The following KHDRBS2 variants were observed in gnomAD, a reference collection of about 807,000 sequenced individuals.
KHDRBS2 encodes the protein KH RNA binding domain containing, signal transduction associated 2.
A neutral mutation model predicts 44.3 loss-of-function variants in KHDRBS2; 26 were observed. The ratio of observed to expected loss-of-function variants is 0.59; its 90% confidence interval spans 0.43 to 0.81. The LOEUF (loss-of-function observed/expected upper bound fraction) is 0.81. Among genes scored for constraint, KHDRBS2 ranks in the 40% least tolerant of loss-of-function variants. The probability of loss-of-function intolerance (pLI) is 0.00; values close to 1 mark genes in which losing one functional copy is unlikely to be tolerated. For synonymous variants in KHDRBS2, 194 were observed against 151.1 expected, an observed-to-expected ratio of 1.28 and a Z score of -2.08; for missense variants, 476 against 433.1, an observed-to-expected ratio of 1.10 and a Z score of -0.88.
At chr6:62,161,349 A>T (rs1304782122) in intron 2 of KHDRBS2, among the ~76,000 whole-genome samples, 3 of 151,626 alleles carry the variant, frequency 2.0e-5, no homozygotes, top group Admixed American at 1.3e-4. Context: ...AATTTAAAAA[A>T]ATTGAAAAAA....
chr6:61,677,000 GA>G (rs762456521), downstream of KHDRBS2, among the ~76,000 whole-genome samples: 33 of 151,828 alleles, frequency 2.2e-4, no homozygotes, highest in Non-Finnish European at 4.3e-4. Context: ...GAAGTTATCT[GA>G]AAATCAAAAT....
chr6:62,213,109 T>C (rs1188469658), intron 1 of KHDRBS2, among the ~76,000 whole-genome samples: 1 of 152,152 alleles, frequency 6.6e-6, no homozygotes, highest in Non-Finnish European at 1.5e-5. Flanking sequence ...AAGTGTAGGA[T>C]TCCAGAAATA....
intron 6 of KHDRBS2, among the ~76,000 whole-genome samples, chr6:61,867,029 T>C (rs958572138): frequency 6.6e-6 from 1 of 152,202 alleles, no homozygotes; most frequent in Non-Finnish European, 1.5e-5. Flanking sequence ...AACCACTGCC[T>C]GTTACCCAGT....
intron 1 of KHDRBS2, among the ~76,000 whole-genome samples, chr6:62,284,976 G>A (rs1357330659): frequency 6.6e-6 from 1 of 151,996 alleles, no homozygotes; most frequent in Non-Finnish European, 1.5e-5. Context: ...CATTATTAAT[G>A]AAGCATTCAT....
At chr6:61,831,176 G>A (rs1003083608) in intron 6 of KHDRBS2, among the ~76,000 whole-genome samples, 1 of 152,002 alleles carries the variant, frequency 6.6e-6, no homozygotes, top group African/African-American at 2.4e-5. Context: ...TTTAAGACAT[G>A]TTCAGTAATT....
chr6:62,275,345 C>T (rs1416340456), intron 1 of KHDRBS2, among the ~76,000 whole-genome samples: 1 of 152,080 alleles, frequency 6.6e-6, no homozygotes, highest in Non-Finnish European at 1.5e-5. Flanking sequence ...CCCTTTTCCA[C>T]AAGGTCTTGG....
At chr6:61,595,344 G>T in the KHDRBS2 span, among the ~76,000 whole-genome samples, 1 of 151,958 alleles carries the variant, frequency 6.6e-6, no homozygotes, top group African/African-American at 2.4e-5. Flanking sequence ...GATGAACGAA[G>T]ATTTAATGTT....
chr6:61,693,217 C>A (rs1767557456), intron 8 of KHDRBS2, among the ~76,000 whole-genome samples: 1 of 152,048 alleles, frequency 6.6e-6, no homozygotes, highest in Non-Finnish European at 1.5e-5. Flanking sequence ...CACTGCTCAT[C>A]ATCTGTATTT....
At chr6:62,018,297 ATATGTGTGTGTGTGTGTG>A (rs768316828) in intron 3 of KHDRBS2, among the ~76,000 whole-genome samples, 163 of 138,498 alleles carry the variant, frequency 1.2e-3, no homozygotes, top group East Asian at 5.8e-3. Flanking sequence ...CTATATATAT[ATATGTGTGTGTGTGTGTG>A]TGTGTGTGTG....
At chr6:61,874,030 C>G (rs116397454) in intron 6 of KHDRBS2, among the ~76,000 whole-genome samples, 1 of 151,708 alleles carries the variant, frequency 6.6e-6, no homozygotes, top group Non-Finnish European at 1.5e-5. Context: ...TATGAACTCT[C>G]TCTATATATA....
chr6:62,104,293 CT>C (rs147588804), intron 2 of KHDRBS2, among the ~76,000 whole-genome samples: 11,736 of 149,266 alleles, frequency 0.079, 475 homozygotes, highest in African/African-American at 0.088. Context: ...TTAAATAAGT[CT>C]TTTTTTTTTA....
At chr6:62,236,546 T>G (rs1390930611) in intron 1 of KHDRBS2, among the ~76,000 whole-genome samples, 2 of 152,050 alleles carry the variant, frequency 1.3e-5, no homozygotes, top group Non-Finnish European at 2.9e-5. Context: ...CAACAAGTAT[T>G]TAAAAGGATA....
chr6:61,894,656 G>C lies in KHDRBS2; in HGVS notation c.789C>G (p.Ala263=). 6.2e-7 allele frequency: 1 copy of C among 1,611,766 alleles called. No individual in the cohort carries two copies. The highest frequency in any genetic ancestry group is 2.2e-5 in the East Asian group (1 of 44,828). ...TTACATATTCTTCATAAGCTTCATG[G>C]GCTGGAGGAGGAGGTGCCCTGTATC... ...VPGYRAPPPP[A]HEAYEEYGYD... is the part of the protein sequence containing the mutation. Residue 263 remains alanine (A), a synonymous_variant, in exon 6 of 9, where the codon GCC becomes GCG. Coordinates refer to ENST00000281156, the MANE Select transcript of KHDRBS2 (RefSeq NM_152688.4).
chr6:62,072,294 C>T (rs1344964982), intron 2 of KHDRBS2, among the ~76,000 whole-genome samples: 1 of 152,124 alleles, frequency 6.6e-6, no homozygotes, highest in Non-Finnish European at 1.5e-5. Flanking sequence ...CAAACAGGGA[C>T]AATTTGACTT....
intron 4 of KHDRBS2, among the ~76,000 whole-genome samples, chr6:61,939,245 A>G (rs905382): frequency 0.87 from 132,262 of 152,072 alleles, 57,982 homozygotes; most frequent in African/African-American, 0.96. Flanking sequence ...CATGCTTAAC[A>G]TAGTTATGTA....
At chr6:61,789,466 G>GA (rs751101630) in intron 6 of KHDRBS2, among the ~76,000 whole-genome samples, 27 of 151,338 alleles carry the variant, frequency 1.8e-4, no homozygotes, top group Non-Finnish European at 3.7e-4. Context: ...AGCATGGAAA[G>GA]AAAAAACGTA....
chr6:61,652,080 T>C, the KHDRBS2 span, among the ~76,000 whole-genome samples: 1 of 151,922 alleles, frequency 6.6e-6, no homozygotes, highest in East Asian at 1.9e-4. Context: ...AATTTTGGAG[T>C]GGAGAGAAGA....
At chr6:62,150,416 G>A (rs1447917754) in intron 2 of KHDRBS2, among the ~76,000 whole-genome samples, 4 of 152,126 alleles carry the variant, frequency 2.6e-5, no homozygotes, top group Non-Finnish European at 5.9e-5. Context: ...TGCTAAGTAG[G>A]TGCTATTTAT....
At chr6:61,645,785 C>T in the KHDRBS2 span, among the ~76,000 whole-genome samples, 1 of 152,068 alleles carries the variant, frequency 6.6e-6, no homozygotes, top group Non-Finnish European at 1.5e-5. Flanking sequence ...ATCATGTTTC[C>T]AATACCTTTG....
Sources: allele counts gnomAD v4.1 joint callset (sites outside exome capture counted in the v4.1 genomes callset), GRCh38; gene constraint gnomAD v4.1.1; transcripts MANE v1.5; gene names NCBI Gene and HGNC (gene_info 2026-07-23, HGNC 2026-07-21).